STAU2: variants seen among roughly 807,000 people sequenced by gnomAD.
STAU2 encodes the protein double-stranded RNA-binding protein Staufen homolog 2.
STAU2 carries 20 observed loss-of-function variants against 65.9 expected under a neutral mutation model. The observed-to-expected ratio is 0.30, with a 90% CI of 0.21 to 0.44. The LOEUF is 0.44. Among genes scored for constraint, STAU2 ranks in the 20% least tolerant of loss-of-function variants. The probability of loss-of-function intolerance (pLI) is 1.00; values close to 1 mark genes in which losing one functional copy is unlikely to be tolerated. For synonymous variants in STAU2, 232 were observed against 233.9 expected (o/e 0.99, Z 0.07); for missense variants, 558 against 683.9 (o/e 0.82, Z 2.05).
chr8:73,471,437 C>G (rs1820005880), intron 13 of STAU2, among the ~76,000 whole-genome samples: 1 of 151,056 alleles, frequency 6.6e-6, no homozygotes, highest in Non-Finnish European at 1.5e-5. Flanking sequence ...ATCTGCCTAC[C>G]TAGGCCTCCC....
rs868365790 is a variant in STAU2 at position 73,532,124 on chromosome 8, T to C, written c.1530+19888A>G. ...CATTTTAGGCATAACTAACCAACAT[T>C]AACATTGAAATAGAGGTCATAAGAC... is the stretch of plus-strand genomic sequence containing the variant. On this transcript the variant is annotated intron_variant, in intron 13 of 14. Coordinates refer to ENST00000524300, the MANE Select transcript of STAU2 (RefSeq NM_001164380.2). 2.6e-5 allele frequency among the ~76,000 whole-genome samples: 4 copies of C among 152,258 alleles called. No homozygotes were observed. The South Asian group carries it at 8.3e-4, about 32-fold the overall frequency.
intron 12 of STAU2, among the ~76,000 whole-genome samples, chr8:73,558,683 A>G (rs1807964393): frequency 6.6e-6 from 1 of 152,222 alleles, no homozygotes; most frequent in Non-Finnish European, 1.5e-5. Flanking sequence ...AGGCAGCAAG[A>G]AAGATAATGC....
chr8:73,738,676 T>C lies in STAU2; in HGVS notation c.-83-327A>G, dbSNP rs1806615044. Among the ~76,000 whole-genome samples the C allele has an allele frequency of 2.0e-5, 3 of 152,224 alleles. No individual in the cohort carries two copies. In the South Asian group the frequency reaches 6.2e-4, roughly 32 times the overall value. ...ATCTGAACAAAGCTCCTTCTGCTTC[T>C]AGACTTCTAAGACAATCCCAACAAA... On this transcript the variant is annotated intron_variant, in intron 2 of 14. Transcript: ENST00000524300.
intron 6 of STAU2, among the ~76,000 whole-genome samples, chr8:73,642,755 G>A (rs923503035): frequency 2.6e-5 from 4 of 152,158 alleles, no homozygotes; most frequent in African/African-American, 4.8e-5. Flanking sequence ...GGACAGGGTG[G>A]AGTGGGTTGG....
At chr8:73,741,450 G>A (rs552635771) in intron 1 of STAU2, among the ~76,000 whole-genome samples, 1 of 152,166 alleles carries the variant, frequency 6.6e-6, no homozygotes, top group Non-Finnish European at 1.5e-5. Context: ...TAACACTGGT[G>A]GCTGATTCCA....
At chr8:73,571,757 G>A (rs1355518984) in intron 12 of STAU2, among the ~76,000 whole-genome samples, 3 of 152,178 alleles carry the variant, frequency 2.0e-5, no homozygotes, top group Non-Finnish European at 4.4e-5. Flanking sequence ...AGTGTATAGA[G>A]GGAAATTTAT....
At position 73,579,875 on chromosome 8, in the gene STAU2, C is replaced by G. The variant is rs73328761; in HGVS notation, c.1222+2895G>C. ...ATTGAGGAACCAGGCTATGTAATCA[C>G]AATCACTTGCAAAACCATTTAAACT... On this transcript the variant is annotated intron_variant, in intron 12 of 14. Coordinates refer to ENST00000524300, the MANE Select transcript of STAU2 (RefSeq NM_001164380.2). Among the ~76,000 whole-genome samples the G allele has an allele frequency of 3.6e-3, 543 of 152,340 alleles. 4 individuals carry two copies. The highest frequency in any genetic ancestry group is 0.011 in the African/African-American group (463 of 41,586).
chr8:73,649,787 A>G (rs1022378562), intron 6 of STAU2, among the ~76,000 whole-genome samples: 4 of 149,778 alleles, frequency 2.7e-5, no homozygotes, highest in African/African-American at 7.3e-5. Flanking sequence ...AAGGTTTTAG[A>G]TATCTTTGAG....
chr8:73,427,169 C>A (rs1303141296), intron 13 of STAU2, among the ~76,000 whole-genome samples: 1 of 151,984 alleles, frequency 6.6e-6, no homozygotes, highest in Non-Finnish European at 1.5e-5. Context: ...CTCAGGTGAC[C>A]CGCCTGCCTC....
At chr8:73,490,069 TAA>T (rs1351219284) in intron 13 of STAU2, among the ~76,000 whole-genome samples, 4 of 152,070 alleles carry the variant, frequency 2.6e-5, no homozygotes. Context: ...TCCAGTAACT[TAA>T]AAGTCATTTC....
chr8:73,712,278 A>G (rs73689034), intron 3 of STAU2, among the ~76,000 whole-genome samples: 10,971 of 152,252 alleles, frequency 0.072, 428 homozygotes, highest in Middle Eastern at 0.14. Context: ...ATAAAAATGG[A>G]TTCACAATCT....
intron 5 of STAU2, among the ~76,000 whole-genome samples, chr8:73,682,956 T>G (rs1313701665): frequency 6.6e-6 from 1 of 151,862 alleles, no homozygotes; most frequent in Non-Finnish European, 1.5e-5. Context: ...AAGACTGAAA[T>G]GGTAATTTTA....
intron 3 of STAU2, among the ~76,000 whole-genome samples, chr8:73,734,069 C>T (rs1181819724): frequency 1.3e-5 from 2 of 152,002 alleles, no homozygotes; most frequent in Non-Finnish European, 2.9e-5. Flanking sequence ...CAAAACATTA[C>T]ATATTGTATA....
intron 4 of STAU2, among the ~76,000 whole-genome samples, chr8:73,691,658 T>C (rs1421309403): frequency 6.6e-6 from 1 of 152,110 alleles, no homozygotes; most frequent in Non-Finnish European, 1.5e-5. Flanking sequence ...GTGGACAATA[T>C]CAGTATCTCT....
intron 13 of STAU2, among the ~76,000 whole-genome samples, chr8:73,507,324 T>G (rs1316457866): frequency 3.3e-5 from 5 of 152,094 alleles, no homozygotes; most frequent in Non-Finnish European, 5.9e-5. Flanking sequence ...GCAGAATGAA[T>G]GCTGTATTAG....
At chr8:73,455,605 T>C (rs1473470494) in intron 13 of STAU2, among the ~76,000 whole-genome samples, 1 of 152,148 alleles carries the variant, frequency 6.6e-6, no homozygotes, top group African/African-American at 2.4e-5. Context: ...GGGTGCTCTG[T>C]GCCTCTGCTG....
At chr8:73,533,851 C>G (rs1010665825) in intron 13 of STAU2, among the ~76,000 whole-genome samples, 4 of 152,084 alleles carry the variant, frequency 2.6e-5, no homozygotes, top group Non-Finnish European at 5.9e-5. Flanking sequence ...ATTTCCTACC[C>G]CCAGCTCCGA....
chr8:73,670,427 T>C (rs1245371130), intron 6 of STAU2: 1 of 151,258 alleles, frequency 6.6e-6, no homozygotes, highest in Non-Finnish European at 1.5e-5. Context: ...CCACACCTCG[T>C]GGACAAGGCA....
intron 3 of STAU2, among the ~76,000 whole-genome samples, chr8:73,726,204 T>C (rs1805615250): frequency 6.6e-6 from 1 of 152,122 alleles, no homozygotes; most frequent in African/African-American, 2.4e-5. Context: ...TCATATATTC[T>C]CACTCATAAG....
Sources: gnomAD v4.1 joint callset for allele counts (sites outside exome capture counted in the v4.1 genomes callset) on GRCh38, gnomAD v4.1.1 for gene constraint, MANE v1.5 for transcripts, NCBI Gene and HGNC (gene_info 2026-07-23, HGNC 2026-07-21) for gene names.